VANGL1: variants seen among roughly 807,000 people sequenced by gnomAD.
VANGL1 encodes the protein vang-like protein 1.
VANGL1 carries 18 observed loss-of-function variants against 48.4 expected under a neutral mutation model. That is an observed-to-expected ratio of 0.37 (90% CI 0.26 to 0.55). The LOEUF (loss-of-function observed/expected upper bound fraction) is 0.55, where lower values mean the gene tolerates loss of function less well. Among genes scored for constraint, VANGL1 ranks in the 20% least tolerant of loss-of-function variants. The probability of loss-of-function intolerance (pLI) is 0.81; values close to 1 mark genes in which losing one functional copy is unlikely to be tolerated. For missense variants in VANGL1, 667 were observed against 675.8 expected (o/e 0.99, Z 0.14); for synonymous variants, 257 against 261.8 (o/e 0.98, Z 0.18).
chr1:115,655,633 G>A (rs1427940692), intron 2 of VANGL1, among the ~76,000 whole-genome samples: 4 of 152,184 alleles, frequency 2.6e-5, no homozygotes, highest in African/African-American at 7.2e-5. Flanking sequence ...AGGCAGAGTT[G>A]GAAAAACACA....
chr1:115,653,872 T>G (rs1345672834), intron 2 of VANGL1, among the ~76,000 whole-genome samples: 1 of 152,154 alleles, frequency 6.6e-6, no homozygotes. Flanking sequence ...GAGATGAACC[T>G]TAGAGATTTG....
chr1:115,665,013 G>T (rs1652718502), intron 4 of VANGL1, among the ~76,000 whole-genome samples: 1 of 152,174 alleles, frequency 6.6e-6, no homozygotes, highest in South Asian at 2.1e-4. Context: ...CACAGATGAA[G>T]AAACTAGGGC....
intron 4 of VANGL1, among the ~76,000 whole-genome samples, chr1:115,675,824 A>G (rs555886803): frequency 5.9e-5 from 9 of 152,268 alleles, no homozygotes; most frequent in South Asian, 4.1e-4. Context: ...AACAATTGGT[A>G]TATGGATTGG....
chr1:115,679,331 G>A (rs1470250798), intron 4 of VANGL1, among the ~76,000 whole-genome samples: 1 of 152,214 alleles, frequency 6.6e-6, no homozygotes, highest in Non-Finnish European at 1.5e-5. Context: ...CACTCTTTGG[G>A]AGGACTGTGA....
intron 2 of VANGL1, among the ~76,000 whole-genome samples, chr1:115,651,924 T>C (rs1652163759): frequency 6.6e-6 from 1 of 152,130 alleles, no homozygotes; most frequent in Non-Finnish European, 1.5e-5. Context: ...GCCTGGCTAA[T>C]TTTTGTATTT....
At chr1:115,658,148 G>A (rs1652414926) in intron 2 of VANGL1, among the ~76,000 whole-genome samples, 1 of 152,206 alleles carries the variant, frequency 6.6e-6, no homozygotes, top group Non-Finnish European at 1.5e-5. Flanking sequence ...TAGAATTGTT[G>A]TCACTGAAAG....
intron 3 of VANGL1, among the ~76,000 whole-genome samples, chr1:115,660,143 C>T (rs1652492366): frequency 6.6e-6 from 1 of 152,210 alleles, no homozygotes; most frequent in Non-Finnish European, 1.5e-5. Flanking sequence ...GCAGCCCAGA[C>T]TGACCATTAC....
intron 4 of VANGL1, among the ~76,000 whole-genome samples, chr1:115,674,024 C>T (rs774848896): frequency 3.9e-5 from 6 of 152,172 alleles, no homozygotes; most frequent in Non-Finnish European, 8.8e-5. Context: ...TTGGGAGACA[C>T]TATTTGCCAC....
chr1:115,690,585 G>A lies in VANGL1; in HGVS notation c.1315-534G>A, dbSNP rs1428786343. On this transcript the variant is annotated intron_variant, in intron 7 of 7. Transcript: ENST00000355485. ...TTACGGCAGCCCTGTGACTTAGGTA[G>A]TGTCATTGCGTCCACTAATAGAGAG... 5.9e-5 allele frequency among the ~76,000 whole-genome samples: 9 copies of A among 152,240 alleles called. No individual in the cohort carries two copies. In the East Asian group the frequency reaches 1.7e-3, roughly 29 times the overall value.
At position 115,692,729 on chromosome 1, in the gene VANGL1, C is replaced by T. The variant is rs1202158055; in HGVS notation, c.*1350C>T. 1 of 152,448 alleles carries T rather than the reference C, an allele frequency of 6.6e-6. No individual in the cohort carries two copies. The highest frequency in any genetic ancestry group is 6.5e-5 in the Admixed American group (1 of 15,294). 9.4% of individuals were successfully genotyped at this position (152,448 alleles called of 1,614,324 possible). A position where few individuals can be genotyped will look rare whatever the true frequency, so the allele number is the denominator to read the frequency against. On this transcript the variant is annotated 3_prime_UTR_variant, in exon 8 of 8. Coordinates refer to ENST00000355485, the MANE Select transcript of VANGL1 (RefSeq NM_138959.3). ...ACTGGGTTGTGGGCAGAGGAGCCAT[C>T]CTGGCGGAGCCCTGCTGCAGGGGAG...
At chr1:115,672,068 C>G (rs1652995096) in intron 4 of VANGL1, among the ~76,000 whole-genome samples, 1 of 152,210 alleles carries the variant, frequency 6.6e-6, no homozygotes, top group Non-Finnish European at 1.5e-5. Flanking sequence ...TTCTCACAAA[C>G]TCCTCCCAGT....
chr1:115,653,233 T>C (rs1049592693), intron 2 of VANGL1, among the ~76,000 whole-genome samples: 8 of 152,176 alleles, frequency 5.3e-5, no homozygotes, highest in African/African-American at 1.7e-4. Context: ...AGGTAAGGCT[T>C]TCAAATAAGG....
chr1:115,673,173 C>T (rs12759726), intron 4 of VANGL1, among the ~76,000 whole-genome samples: 31,467 of 152,084 alleles, frequency 0.21, 3,794 homozygotes, highest in East Asian at 0.37. Flanking sequence ...CCTGGGCAGC[C>T]GTCAGTACTG....
chr1:115,693,815 A>G lies in VANGL1; in HGVS notation c.*2436A>G, dbSNP rs1273069986. On this transcript the variant is annotated 3_prime_UTR_variant, in exon 8 of 8. Coordinates refer to ENST00000355485, the MANE Select transcript of VANGL1 (RefSeq NM_138959.3). Reference sequence around the variant, plus strand: ...CCACAATTGAACACAATGCATTTTTATTTCAATTCTTGGAACTGGTAGGCT... The same window carrying G: ...CCACAATTGAACACAATGCATTTTTGTTTCAATTCTTGGAACTGGTAGGCT... The G allele has an allele frequency of 6.6e-6, 1 of 152,218 alleles. No homozygotes were observed. The highest frequency in any genetic ancestry group is 2.4e-5 in the African/African-American group (1 of 41,466). 9.4% of individuals were successfully genotyped at this position (152,218 alleles called of 1,614,324 possible). A position where few individuals can be genotyped will look rare whatever the true frequency, so the allele number is the denominator to read the frequency against.
chr1:115,655,458 AC>A (rs1289727458), intron 2 of VANGL1, among the ~76,000 whole-genome samples: 61 of 152,168 alleles, frequency 4.0e-4, no homozygotes, highest in Non-Finnish European at 6.3e-4. Context: ...CCTGCATGCC[AC>A]CACTTGCTCT....
intron 4 of VANGL1, among the ~76,000 whole-genome samples, chr1:115,673,663 G>A (rs750265890): frequency 4.1e-5 from 6 of 146,010 alleles, no homozygotes; most frequent in Admixed American, 2.1e-4. Flanking sequence ...GCCTTAGTGC[G>A]ATCTCAGCTC....
chr1:115,677,758 TA>T (rs1653221489), intron 4 of VANGL1, among the ~76,000 whole-genome samples: 1 of 152,202 alleles, frequency 6.6e-6, no homozygotes, highest in South Asian at 2.1e-4. Flanking sequence ...GTCCACAGTC[TA>T]TACTTCAGGC....
intron 4 of VANGL1, among the ~76,000 whole-genome samples, chr1:115,681,543 G>A (rs981283804): frequency 1.7e-5 from 2 of 114,628 alleles, no homozygotes; most frequent in Non-Finnish European, 3.4e-5. Flanking sequence ...TTTCACTCTT[G>A]TTGCCCAGGC....
rs1040119446 is a variant in VANGL1, at chr1:115,679,385, G to A, written c.813-2979G>A. Among the ~76,000 whole-genome samples, 3 of 152,196 alleles carry A rather than the reference G, an allele frequency of 2.0e-5. 1 individual carries two copies. The highest frequency in any genetic ancestry group is 1.3e-4 in the Admixed American group (2 of 15,286). On this transcript the variant is annotated intron_variant, in intron 4 of 7. Coordinates refer to ENST00000355485, the MANE Select transcript of VANGL1 (RefSeq NM_138959.3). The stretch of plus-strand genomic sequence containing the variant: ...CCAGGGCTGGCATCCCACAGTACCC[G>A]CCCCCACCCTGGGCACTTCCTGGGA...
Sources: gnomAD v4.1 joint callset for allele counts (sites outside exome capture counted in the v4.1 genomes callset) on GRCh38, gnomAD v4.1.1 for gene constraint, MANE v1.5 for transcripts, NCBI Gene and HGNC (gene_info 2026-07-23, HGNC 2026-07-21) for gene names.